The following FMN1 variants were observed in gnomAD, a reference collection of about 807,000 sequenced individuals.
The protein encoded by FMN1 is formin 1.
Under a neutral mutation model 132.4 loss-of-function variants are expected in FMN1, and 110 were observed. That is an observed-to-expected ratio of 0.83 (90% confidence interval 0.71 to 0.97). The LOEUF (loss-of-function observed/expected upper bound fraction) is 0.97, where lower values mean the gene tolerates loss of function less well. Ranked by LOEUF, FMN1 falls within the 50% of genes least tolerant of loss-of-function variation. FMN1 has a pLI of 0.00. For missense variants in FMN1, 1,792 were observed against 1,705.3 expected, an observed-to-expected ratio of 1.05 and a Z score of -0.90; for synonymous variants, 722 against 651.7, an observed-to-expected ratio of 1.11 and a Z score of -1.64.
At chr15:33,036,131 G>T (rs12911685) in intron 6 of FMN1, among the ~76,000 whole-genome samples, 5 of 152,018 alleles carry the variant, frequency 3.3e-5, no homozygotes, top group Non-Finnish European at 7.4e-5. Context: ...CTCAGAGTCA[G>T]GTATCCTGTT....
intron 4 of FMN1, among the ~76,000 whole-genome samples, chr15:33,111,884 T>A (rs1293348055): frequency 6.6e-6 from 1 of 152,148 alleles, no homozygotes; most frequent in Non-Finnish European, 1.5e-5. Context: ...GTTGTACAAC[T>A]GAATATATTA....
intron 6 of FMN1, among the ~76,000 whole-genome samples, chr15:33,015,479 C>T (rs1240235839): frequency 6.6e-6 from 1 of 152,198 alleles, no homozygotes; most frequent in Non-Finnish European, 1.5e-5. Context: ...TTCATTTATG[C>T]GCTCTTTCTT....
chr15:32,828,661 A>G (rs1354579396), intron 17 of FMN1, among the ~76,000 whole-genome samples: 2 of 152,236 alleles, frequency 1.3e-5, no homozygotes, highest in East Asian at 3.9e-4. Flanking sequence ...AGGATGAAAG[A>G]TAAACATTTG....
intron 17 of FMN1, among the ~76,000 whole-genome samples, chr15:32,850,161 A>G (rs547892333): frequency 6.6e-6 from 1 of 152,130 alleles, no homozygotes; most frequent in African/African-American, 2.4e-5. Context: ...TCTTTCCACA[A>G]GCTTTGTAAA....
At chr15:33,135,696 CAGTT>C (rs1188707030) in intron 4 of FMN1, among the ~76,000 whole-genome samples, 2 of 152,228 alleles carry the variant, frequency 1.3e-5, no homozygotes, top group Non-Finnish European at 2.9e-5. Context: ...CTAGTGGAAT[CAGTT>C]AGGTTACTTC....
At chr15:33,073,732 G>GTTT (rs763275526) in intron 5 of FMN1, among the ~76,000 whole-genome samples, 1,753 of 109,860 alleles carry the variant, frequency 0.016, 34 homozygotes, top group African/African-American at 0.054. Flanking sequence ...TACCTAGCTT[G>GTTT]TTTTTTTTTT....
intron 4 of FMN1, among the ~76,000 whole-genome samples, chr15:33,137,135 C>T (rs1299553537): frequency 6.6e-6 from 1 of 150,568 alleles, no homozygotes; most frequent in Non-Finnish European, 1.5e-5. Context: ...CATACCCTCC[C>T]CAAACAGGGA....
At chr15:33,002,487 CTATT>C (rs1412568185) in intron 7 of FMN1, among the ~76,000 whole-genome samples, 3 of 152,150 alleles carry the variant, frequency 2.0e-5, no homozygotes, top group Admixed American at 6.5e-5. Flanking sequence ...CGAACAGCAT[CTATT>C]TTTTATTGTA....
intron 16 of FMN1, among the ~76,000 whole-genome samples, chr15:32,857,612 C>A (rs1391887087): frequency 6.6e-6 from 1 of 152,140 alleles, no homozygotes; most frequent in African/African-American, 2.4e-5. Flanking sequence ...AGAACTAAGA[C>A]CAGGTCGGGG....
At chr15:33,174,110 T>C (rs1965429257) in intron 3 of FMN1, among the ~76,000 whole-genome samples, 1 of 151,846 alleles carries the variant, frequency 6.6e-6, no homozygotes, top group Non-Finnish European at 1.5e-5. Context: ...ATTAAGCTTA[T>C]AGAGGATGAA....
At chr15:33,112,779 T>C (rs1332836993) in intron 4 of FMN1, among the ~76,000 whole-genome samples, 1 of 152,084 alleles carries the variant, frequency 6.6e-6, no homozygotes, top group South Asian at 2.1e-4. Context: ...ACATGGGAAA[T>C]GTGGGTTGCT....
intron 17 of FMN1, among the ~76,000 whole-genome samples, chr15:32,851,206 C>A (rs542170412): frequency 6.6e-6 from 1 of 152,094 alleles, no homozygotes; most frequent in Non-Finnish European, 1.5e-5. Flanking sequence ...GGATGCCAAG[C>A]GAAATTAACG....
At chr15:33,033,450 C>T (rs1401885286) in intron 6 of FMN1, among the ~76,000 whole-genome samples, 3 of 152,156 alleles carry the variant, frequency 2.0e-5, no homozygotes, top group African/African-American at 7.2e-5. Flanking sequence ...TGGTTGTCCA[C>T]TTTCCTATCA....
intron 3 of FMN1, among the ~76,000 whole-genome samples, chr15:33,170,781 G>A (rs1024202759): frequency 9.9e-5 from 15 of 152,114 alleles, no homozygotes; most frequent in African/African-American, 3.6e-4. Flanking sequence ...CTCATACACT[G>A]TTGGTGGAAA....
intron 6 of FMN1, among the ~76,000 whole-genome samples, chr15:33,037,920 G>A (rs2036259666): frequency 6.6e-6 from 1 of 152,186 alleles, no homozygotes; most frequent in Non-Finnish European, 1.5e-5. Flanking sequence ...TATGAATACT[G>A]ATACCTTAAA....
chr15:32,852,813 T>C (rs1030839882), intron 17 of FMN1, among the ~76,000 whole-genome samples: 1 of 152,164 alleles, frequency 6.6e-6, no homozygotes, highest in Non-Finnish European at 1.5e-5. Context: ...CCTGTACACA[T>C]TATTTTTCAA....
In FMN1 at chr15:32,926,227, G is replaced by C; in HGVS notation, c.3173C>G (p.Thr1058Ser). 6.5e-7 allele frequency: 1 copy of C among 1,527,348 alleles called. No homozygotes were observed. The highest frequency in any genetic ancestry group is 8.9e-7 in the Non-Finnish European group (1 of 1,127,852). The allele number at this position is 1,527,348 out of a possible 1,614,324, so 94.6% of individuals were successfully genotyped here. The stretch of plus-strand genomic sequence containing the variant: ...TAAACTAGATATCAAGATTCCCACA[G>C]TTTGAGATCGTTTTCCATCCAACAA... ...IKLLDGKRSQ[T>S]VGILISSLHL... Residue 1058 changes from threonine to serine, a missense_variant, in exon 10 of 21, where the codon ACT becomes AGT. This residue lies in a region of FMN1 where 1,150 missense variants were observed against 1,043.1 expected (regional missense o/e 1.10). Coordinates refer to ENST00000616417, the MANE Select transcript of FMN1 (RefSeq NM_001277313.2).
At chr15:33,150,088 A>T in intron 4 of FMN1, 2 of 985,476 alleles carry the variant, frequency 2.0e-6, no homozygotes, top group Non-Finnish European at 2.4e-6. Flanking sequence ...AAAGGAAAAC[A>T]ACCACAGGAT....
chr15:32,902,611 G>A (rs2060324739), intron 12 of FMN1, among the ~76,000 whole-genome samples: 1 of 152,150 alleles, frequency 6.6e-6, no homozygotes, highest in African/African-American at 2.4e-5. Context: ...TACACACATA[G>A]ACATAGTTTA....
Sources: gnomAD v4.1 joint callset for allele counts (sites outside exome capture counted in the v4.1 genomes callset) on GRCh38, gnomAD v4.1.1 for gene constraint, gnomAD v4.1.1 regional missense constraint, MANE v1.5 for transcripts, NCBI Gene and HGNC (gene_info 2026-07-23, HGNC 2026-07-21) for gene names.